DCDC1: variants seen among roughly 807,000 people sequenced by gnomAD.
DCDC1 encodes the protein doublecortin domain-containing protein 1.
DCDC1 carries 200 observed loss-of-function variants against 178.3 expected under a neutral mutation model. The ratio of observed to expected loss-of-function variants is 1.12; its 90% CI spans 1.00 to 1.26. The LOEUF (loss-of-function observed/expected upper bound fraction) is 1.26, where lower values mean the gene tolerates loss of function less well. DCDC1 is among the 50% of genes most tolerant of loss of function. The pLI is 0.00. For synonymous variants in DCDC1, 690 were observed against 604.8 expected (o/e 1.14, Z -2.07); for missense variants, 1,983 against 1,749.2 (o/e 1.13, Z -2.38).
intron 1 of DCDC1, among the ~76,000 whole-genome samples, chr11:31,354,663 T>C (rs985542808): frequency 6.6e-6 from 1 of 152,202 alleles, no homozygotes; most frequent in Non-Finnish European, 1.5e-5. Flanking sequence ...TATTTCAATG[T>C]CGTAAGCCTT....
At chr11:30,913,721 GCTA>G (rs1227210188) in intron 27 of DCDC1, among the ~76,000 whole-genome samples, 4 of 152,192 alleles carry the variant, frequency 2.6e-5, no homozygotes, top group Non-Finnish European at 5.9e-5. Flanking sequence ...CCAAGGCAGT[GCTA>G]CACATGACCC....
At chr11:31,035,905 G>A (rs186633017) in intron 20 of DCDC1, among the ~76,000 whole-genome samples, 13 of 152,168 alleles carry the variant, frequency 8.5e-5, no homozygotes, top group African/African-American at 1.9e-4. Context: ...TTCAGGATGC[G>A]TTTATAAGAG....
chr11:30,925,306 T>C lies in DCDC1; in HGVS notation c.2997+3A>G, dbSNP rs1946524165. 1 of 1,612,202 alleles carries C rather than the reference T, an allele frequency of 6.2e-7. No homozygotes were observed. Among genetic ancestry groups the C allele is most frequent in the Non-Finnish European group, 8.5e-7 (1 of 1,178,500 alleles). ...ATTGCCAGTTTCAAATCCATGTCTT[T>C]ACCAGTTCATCTCTTTGCAGGTCTT... On this transcript the variant is annotated splice_donor_region_variant and intron_variant, in intron 23 of 38. Coordinates refer to ENST00000684477, the MANE Select transcript of DCDC1 (RefSeq NM_001387274.1).
chr11:31,356,941 A>C (rs1951409530), intron 1 of DCDC1, among the ~76,000 whole-genome samples: 2 of 152,220 alleles, frequency 1.3e-5, no homozygotes, highest in South Asian at 4.1e-4. Flanking sequence ...TGTGGCAATA[A>C]TCAATAGCTT....
intron 8 of DCDC1, among the ~76,000 whole-genome samples, chr11:31,250,302 CA>C (rs71060481): frequency 4.9e-5 from 7 of 141,596 alleles, no homozygotes; most frequent in African/African-American, 1.3e-4. Flanking sequence ...CAAAACAAGG[CA>C]AAAAAAAATT....
chr11:31,198,731 T>C (rs1444258378), intron 9 of DCDC1, among the ~76,000 whole-genome samples: 2 of 152,006 alleles, frequency 1.3e-5, no homozygotes, highest in East Asian at 3.9e-4. Context: ...AGTGAACTGA[T>C]TAATGCTATC....
At chr11:31,210,634 C>A (rs1468506547) in intron 9 of DCDC1, among the ~76,000 whole-genome samples, 1 of 151,334 alleles carries the variant, frequency 6.6e-6, no homozygotes, top group Non-Finnish European at 1.5e-5. Context: ...TCACTTGAAC[C>A]CGGGAGGCAG....
At chr11:31,338,318 C>T (rs546946860) in intron 1 of DCDC1, among the ~76,000 whole-genome samples, 1 of 152,180 alleles carries the variant, frequency 6.6e-6, no homozygotes, top group Non-Finnish European at 1.5e-5. Context: ...GGTTACTAGA[C>T]CACCTGGACT....
chr11:30,891,529 A>T (rs893386966), intron 36 of DCDC1, among the ~76,000 whole-genome samples: 1 of 152,198 alleles, frequency 6.6e-6, no homozygotes, highest in Non-Finnish European at 1.5e-5. Flanking sequence ...GAAATTTATC[A>T]GTTCTAGGTG....
At chr11:30,900,320 A>G in intron 33 of DCDC1, 26 bp downstream of exon 33, 1 of 1,491,262 alleles carries the variant, frequency 6.7e-7, no homozygotes, top group Non-Finnish European at 8.9e-7. Context: ...TACTTGCTTG[A>G]AAGAAAGCAA....
At chr11:31,283,406 T>C (rs1413512200) in intron 7 of DCDC1, among the ~76,000 whole-genome samples, 2 of 152,022 alleles carry the variant, frequency 1.3e-5, no homozygotes, top group African/African-American at 2.4e-5. Context: ...GTTAAGATAT[T>C]GTAATTTTTA....
intron 9 of DCDC1, among the ~76,000 whole-genome samples, chr11:31,197,570 T>C (rs572648542): frequency 6.6e-6 from 1 of 152,096 alleles, no homozygotes; most frequent in South Asian, 2.1e-4. Context: ...TCTGTGCCAG[T>C]ATTCAGACAC....
At chr11:31,176,718 T>G (rs1466096864) in intron 9 of DCDC1, among the ~76,000 whole-genome samples, 1 of 152,174 alleles carries the variant, frequency 6.6e-6, no homozygotes, top group Non-Finnish European at 1.5e-5. Context: ...AGCAGAAATC[T>G]TTCAGGCCAG....
intron 25 of DCDC1, among the ~76,000 whole-genome samples, 155 bp from the exon 26 acceptor site, chr11:30,917,183 C>G (rs977937683): frequency 1.3e-5 from 2 of 152,184 alleles, no homozygotes; most frequent in African/African-American, 4.8e-5. Context: ...ATTCACATCT[C>G]ACTAATACAT....
intron 20 of DCDC1, among the ~76,000 whole-genome samples, chr11:31,019,474 G>A (rs1266955842): frequency 6.6e-6 from 1 of 150,726 alleles, no homozygotes; most frequent in Non-Finnish European, 1.5e-5. Flanking sequence ...GAGTACCAGG[G>A]TTAATGTGGG....
At chr11:31,368,907 A>G (rs965991008) in intron 1 of DCDC1, among the ~76,000 whole-genome samples, 4 of 152,192 alleles carry the variant, frequency 2.6e-5, no homozygotes, top group African/African-American at 9.7e-5. Flanking sequence ...GAAACACAGG[A>G]ATCAAGAAAG....
At chr11:30,927,784 A>G (rs1188992984) in intron 22 of DCDC1, among the ~76,000 whole-genome samples, 4 of 152,186 alleles carry the variant, frequency 2.6e-5, no homozygotes, top group Non-Finnish European at 5.9e-5. Flanking sequence ...AATTGTCTAG[A>G]GTGAATTATT....
chr11:31,252,896 A>G (rs1037153350), intron 8 of DCDC1, among the ~76,000 whole-genome samples: 2 of 152,064 alleles, frequency 1.3e-5, no homozygotes, highest in South Asian at 2.1e-4. Context: ...AATTTAGAGG[A>G]GATTCATGAA....
rs1248558001 is a variant in DCDC1 at position 31,161,201 on chromosome 11, G to GA, written c.1222-23418dup. On this transcript the variant is annotated intron_variant, in intron 9 of 38. Transcript: ENST00000684477. ...TGACACTAGGACTGAGAGGTACAAA[G>GA]AAAAAAAAGAGGCCCTACAGGTTAT... is the stretch of plus-strand genomic sequence containing the variant. Among the ~76,000 whole-genome samples the GA allele has an allele frequency of 2.6e-5, 4 of 151,324 alleles. No individual in the cohort carries two copies. The East Asian group carries it at 5.9e-4, about 22-fold the overall frequency.
Sources: gnomAD v4.1 joint callset for allele counts (sites outside exome capture counted in the v4.1 genomes callset) on GRCh38, gnomAD v4.1.1 for gene constraint, MANE v1.5 for transcripts, NCBI Gene and HGNC (gene_info 2026-07-23, HGNC 2026-07-21) for gene names.